The following KCNH3 variants were observed in gnomAD, a reference collection of about 807,000 sequenced individuals.
KCNH3 encodes voltage-gated inwardly rectifying potassium channel KCNH3.
In KCNH3, 36 loss-of-function variants were observed where a neutral mutation model predicts 95.6. The ratio of observed to expected loss-of-function variants is 0.38; its 90% CI spans 0.29 to 0.50. The LOEUF (loss-of-function observed/expected upper bound fraction) is 0.50, where lower values mean the gene tolerates loss of function less well. Among genes scored for constraint, KCNH3 ranks in the 20% least tolerant of loss-of-function variants. The probability of loss-of-function intolerance (pLI) is 0.95; values close to 1 mark genes in which losing one functional copy is unlikely to be tolerated. For missense variants in KCNH3, 1,030 were observed against 1,484.1 expected (o/e 0.69, Z 5.03); for synonymous variants, 620 against 646.3 (o/e 0.96, Z 0.62).
chr12:49,555,284 C>CAAAA (rs1157061451), intron 11 of KCNH3, among the ~76,000 whole-genome samples: 38 of 66,872 alleles, frequency 5.7e-4, no homozygotes, highest in African/African-American at 2.2e-3. Flanking sequence ...ACTAAAAATA[C>CAAAA]AAAAAAAAAA....
Position 49,558,276 on chromosome 12 carries a change from TAAA to T in KCNH3, c.*333_*335del, listed in dbSNP as rs758009806. 3.1e-6 allele frequency: 1 copy of T among 319,460 alleles called. No homozygotes were observed. The highest frequency in any genetic ancestry group is 5.6e-6 in the Non-Finnish European group (1 of 178,362). The allele number at this position is 319,460 out of a possible 1,614,324, so 19.8% of individuals were successfully genotyped here. ...TCTACCTGTCCCCAAATTTTTATAT[TAAA>T]AAAAAAAAATAAAATAAACTACTTT... On this transcript the variant is annotated 3_prime_UTR_variant, in exon 15 of 15. Transcript: ENST00000257981.
Position 49,557,664 on chromosome 12 carries a change from C to T in KCNH3, c.2963C>T (p.Pro988Leu), listed in dbSNP as rs906347214. 6.2e-7 allele frequency: 1 copy of T among 1,613,464 alleles called. No individual in the cohort carries two copies. The highest frequency in any genetic ancestry group is 8.5e-7 in the Non-Finnish European group (1 of 1,179,944). Residue 988 changes from proline to leucine, a missense_variant, in exon 15 of 15, where the codon CCT becomes CTT. By Grantham distance (98) the Pro-to-Leu change is moderately conservative. Around this residue, in one of 9 missense-constraint regions of KCNH3, gnomAD observed 464 missense variants for 493.2 expected, o/e 0.94. Transcript: ENST00000257981. ...CCAGCGTCTCAGAGCTCCCCCTGGC[C>T]TCGAGCCACAGCTTTCTGGACCTCC... ...GPPASQSSPWPRATAFWTSTS... is the reference protein window; with the variant it reads ...GPPASQSSPWLRATAFWTSTS...
chr12:49,553,633 C>T (rs139782123), intron 10 of KCNH3, among the ~76,000 whole-genome samples: 46 of 152,318 alleles, frequency 3.0e-4, no homozygotes, highest in African/African-American at 9.6e-4. Context: ...GAGATTACAC[C>T]GCAGGCTCTA....
intron 10 of KCNH3, 56 bp from the exon 11 acceptor site, chr12:49,554,279 CTT>C (rs764644518): frequency 1.4e-4 from 199 of 1,411,006 alleles, no homozygotes; most frequent in Middle Eastern, 2.1e-4. Flanking sequence ...GCAGCCCCCT[CTT>C]CTCTCCTCAT....
chr12:49,542,590 A>G (rs1937907282), intron 3 of KCNH3, 116 bp from the exon 4 acceptor site: 1 of 1,225,394 alleles, frequency 8.2e-7, no homozygotes, highest in Non-Finnish European at 1.1e-6. Flanking sequence ...TAAACATTCT[A>G]AGTGGTCAAT....
chr12:49,542,262 G>A (rs1384269332), intron 3 of KCNH3, among the ~76,000 whole-genome samples: 2 of 152,124 alleles, frequency 1.3e-5, no homozygotes, highest in African/African-American at 2.4e-5. Context: ...ACTCCCACTC[G>A]CGTACTCCCA....
At position 49,544,014 on chromosome 12, in the gene KCNH3, T is replaced by C; in HGVS notation, c.923T>C (p.Leu308Pro). ...ICLHYVTTWFLLDVIAALPFD... is the reference protein window; with the variant it reads ...ICLHYVTTWFPLDVIAALPFD... ...CTCCACTACGTCACCACCTGGTTCC[T>C]GCTGGATGTCATCGCAGCGCTGCCC... Residue 308 changes from leucine (L) to proline (P), a missense_variant, in exon 6 of 15, where the codon CTG becomes CCG. This residue lies in a region of KCNH3 where 153 missense variants were observed against 288.5 expected (regional missense o/e 0.53). Transcript: ENST00000257981. The C allele has an allele frequency of 6.2e-7, 1 of 1,613,976 alleles. No homozygotes were observed. The highest frequency in any genetic ancestry group is 1.1e-5 in the South Asian group (1 of 91,076).
At chr12:49,540,863 C>CA (rs781484924) in intron 1 of KCNH3, 36 bp from the exon 2 acceptor site, 1 of 1,568,082 alleles carries the variant, frequency 6.4e-7, no homozygotes, top group East Asian at 2.3e-5. Flanking sequence ...CCTGCCCCTT[C>CA]ACCCCACGCC....
Position 49,549,047 on chromosome 12 carries a change from C to A in KCNH3, c.1342C>A (p.Leu448Met), listed in dbSNP as rs1475696333. 6.2e-7 allele frequency: 1 copy of A among 1,612,296 alleles called. No individual in the cohort carries two copies. Among genetic ancestry groups the A allele is most frequent in the East Asian group, 2.2e-5 (1 of 44,860 alleles). Residue 448 changes from leucine to methionine, a missense_variant, in exon 8 of 15, where the codon CTG becomes ATG. By Grantham distance (15) the Leu-to-Met change is conservative (BLOSUM62 2). Transcript: ENST00000257981. ...TGLELLGGPS[L>M]RSAYITSLYF... ...GCTGGAGCTGCTGGGCGGCCCGTCG[C>A]TGCGCAGCGCCTACATCACCTCCCT...
At chr12:49,543,784 A>T in intron 5 of KCNH3, 131 bp from the exon 6 acceptor site, 2 of 1,236,198 alleles carry the variant, frequency 1.6e-6, no homozygotes, top group Non-Finnish European at 2.3e-6. Context: ...TGTTACAGTT[A>T]CTGTGAGAAC....
chr12:49,554,731 C>A (rs1241919746), intron 11 of KCNH3, among the ~76,000 whole-genome samples, 177 bp downstream of exon 11: 1 of 152,212 alleles, frequency 6.6e-6, no homozygotes. Context: ...CCCAGCCCAG[C>A]ATGTGCAGCC....
At chr12:49,541,505 C>T in intron 2 of KCNH3, 125 bp from the exon 3 acceptor site, 2 of 1,147,144 alleles carry the variant, frequency 1.7e-6, no homozygotes, top group South Asian at 3.0e-5. Flanking sequence ...GGACTGCCAG[C>T]CCTTCCCCCA....
At chr12:49,553,394 G>A (rs1818011289) in intron 10 of KCNH3, among the ~76,000 whole-genome samples, 1 of 152,166 alleles carries the variant, frequency 6.6e-6, no homozygotes, top group South Asian at 2.1e-4. Flanking sequence ...CGATCCTCCT[G>A]CCATGGCCTC....
At chr12:49,554,044 T>G (rs1938349125) in intron 10 of KCNH3, among the ~76,000 whole-genome samples, 1 of 152,234 alleles carries the variant, frequency 6.6e-6, no homozygotes, top group Non-Finnish European at 1.5e-5. Context: ...TGATGTTCAG[T>G]CTCTCTCAGG....
chr12:49,544,141 T>C, intron 6 of KCNH3, 34 bp from the exon 7 acceptor site: 1 of 1,413,422 alleles, frequency 7.1e-7, no homozygotes, highest in Non-Finnish European at 9.7e-7. Flanking sequence ...CCCGCTGACC[T>C]CCCTCCCTCC....
At position 49,550,178 on chromosome 12, in the gene KCNH3, C is replaced by T; in HGVS notation, c.1767C>T (p.Gly589=). The change falls in exon 10 of 15, where the codon GGC becomes GGT. Residue 589 remains glycine (G), a synonymous_variant. Coordinates refer to ENST00000257981, the MANE Select transcript of KCNH3 (RefSeq NM_012284.3). ...CACTGTTTGAGGCGGCCAGCCGCGG[C>T]TGCCTGCGGGCACTGTCTCTGGCCC... ...QLPLFEAASR[G]CLRALSLALR... is the part of the protein sequence containing the mutation. 1 of 1,609,502 alleles carries T rather than the reference C, an allele frequency of 6.2e-7. No homozygotes were observed. Among genetic ancestry groups the T allele is most frequent in the Non-Finnish European group, 8.5e-7 (1 of 1,179,702 alleles).
At chr12:49,542,117 G>A (rs1937891262) in intron 3 of KCNH3, among the ~76,000 whole-genome samples, 1 of 152,204 alleles carries the variant, frequency 6.6e-6, no homozygotes, top group Non-Finnish European at 1.5e-5. Flanking sequence ...TGGGGGTGGA[G>A]CTCTGGGCAA....
At position 49,548,985 on chromosome 12, in the gene KCNH3, A is replaced by C; in HGVS notation, c.1280A>C (p.Asp427Ala). 6.2e-7 allele frequency: 1 copy of C among 1,610,994 alleles called. No individual in the cohort carries two copies. Among genetic ancestry groups the C allele is most frequent in the African/African-American group, 1.3e-5 (1 of 75,018 alleles). ...GGAGGGAACAGCTCCGGCCAGAGTGACAACTGCAGCAGCAGCAGCGAGGCC... is the reference window on the plus strand; with the variant it reads ...GGAGGGAACAGCTCCGGCCAGAGTGCCAACTGCAGCAGCAGCAGCGAGGCC... Reference protein sequence around the residue: ...PAGGNSSGQSDNCSSSSEANG... With the variant: ...PAGGNSSGQSANCSSSSEANG... The change falls in exon 8 of 15, where the codon GAC becomes GCC. Residue 427 changes from aspartate to alanine, a missense_variant. Asp to Ala is a moderately radical substitution (Grantham distance 126, BLOSUM62 -2). Transcript: ENST00000257981.
intron 4 of KCNH3, 63 bp from the exon 5 acceptor site, chr12:49,543,212 A>G: frequency 1.3e-6 from 2 of 1,563,688 alleles, no homozygotes; most frequent in Non-Finnish European, 1.7e-6. Flanking sequence ...CCCAGACTCT[A>G]TCCAAACTCA....
Sources: gnomAD v4.1 joint callset for allele counts (sites outside exome capture counted in the v4.1 genomes callset) on GRCh38, gnomAD v4.1.1 for gene constraint, gnomAD v4.1.1 regional missense constraint, MANE v1.5 for transcripts, NCBI Gene and HGNC (gene_info 2026-07-23, HGNC 2026-07-21) for gene names.